IL1RL1: variants seen among roughly 807,000 people sequenced by gnomAD.
IL1RL1 encodes the protein interleukin 1 receptor like 1.
A neutral mutation model predicts 50.9 loss-of-function variants in IL1RL1; 32 were observed. That is an observed-to-expected ratio of 0.63 (90% CI 0.47 to 0.84). The LOEUF (loss-of-function observed/expected upper bound fraction) is 0.84. IL1RL1 is among the 40% of genes least tolerant of loss of function. IL1RL1 has a pLI of 0.00. For missense variants in IL1RL1, 773 were observed against 662.9 expected, an observed-to-expected ratio of 1.17 and a Z score of -1.82; for synonymous variants, 275 against 236.0, an observed-to-expected ratio of 1.17 and a Z score of -1.51.
intron 9 of IL1RL1, among the ~76,000 whole-genome samples, chr2:102,348,551 A>G (rs190831565): frequency 1.4e-4 from 22 of 152,174 alleles, no homozygotes; most frequent in African/African-American, 5.3e-4. Flanking sequence ...ATGTGCATGA[A>G]AGGAGTCAGT....
intron 1 of IL1RL1, among the ~76,000 whole-genome samples, chr2:102,315,613 T>C (rs773020979): frequency 1.3e-5 from 2 of 152,200 alleles, no homozygotes; most frequent in Non-Finnish European, 2.9e-5. Context: ...TTTGGGGTTG[T>C]AATGTGCAAA....
chr2:102,349,079 A>T lies in IL1RL1; in HGVS notation c.1118A>T (p.Asp373Val). ...DIAKPYKTRN[D>V]GKLYDAYVVY... Reference sequence around the variant, plus strand: ...TTGTACTTCTTGTTTTCATTTTCAGATGGAAAGCTCTATGATGCTTATGTT... The same window carrying T: ...TTGTACTTCTTGTTTTCATTTTCAGTTGGAAAGCTCTATGATGCTTATGTT... Residue 373 changes from aspartate to valine, a missense_variant and splice_region_variant, in exon 10 of 11, where the codon GAT becomes GTT. By Grantham distance (152) the Asp-to-Val change is radical (BLOSUM62 -3). Coordinates refer to ENST00000233954, the MANE Select transcript of IL1RL1 (RefSeq NM_016232.5). 6.2e-7 allele frequency: 1 copy of T among 1,612,228 alleles called. No individual in the cohort carries two copies. Among genetic ancestry groups the T allele is most frequent in the South Asian group, 1.1e-5 (1 of 90,976 alleles).
At chr2:102,321,152 A>T (rs1472633179) in intron 1 of IL1RL1, among the ~76,000 whole-genome samples, 1 of 152,112 alleles carries the variant, frequency 6.6e-6, no homozygotes. Context: ...TCTCCTTCCT[A>T]GTTGGCCTTC....
chr2:102,324,549 G>A (rs11679889), intron 1 of IL1RL1, among the ~76,000 whole-genome samples: 33,776 of 152,042 alleles, frequency 0.22, 4,476 homozygotes, highest in East Asian at 0.39. Flanking sequence ...AAAGCAGGGC[G>A]AGGCATCGCT....
In IL1RL1 at chr2:102,339,047, G is replaced by C. The variant is rs1573150862; in HGVS notation, c.272G>C (p.Ser91Thr). 6.2e-7 allele frequency: 1 copy of C among 1,606,612 alleles called. No individual in the cohort carries two copies. Among genetic ancestry groups the C allele is most frequent in the South Asian group, 1.1e-5 (1 of 90,986 alleles). ...DSGIYTCIVR[S>T]PTFNRTGYAN... ...GGTATTTATACCTGTATTGTCAGAA[G>C]GTATTATGCAGAAGGCTCCCATCTT... Residue 91 changes from serine to threonine, a missense_variant and splice_region_variant, in exon 3 of 11, where the codon AGT (serine) becomes ACT (threonine). Coordinates refer to ENST00000233954, the MANE Select transcript of IL1RL1 (RefSeq NM_016232.5).
intron 1 of IL1RL1, among the ~76,000 whole-genome samples, chr2:102,315,362 T>A (rs1256618552): frequency 6.6e-6 from 1 of 152,212 alleles, no homozygotes; most frequent in Non-Finnish European, 1.5e-5. Context: ...GAAAATATCA[T>A]GTACCTTTTG....
chr2:102,321,662 G>A (rs1022556558), intron 1 of IL1RL1, among the ~76,000 whole-genome samples: 1 of 152,096 alleles, frequency 6.6e-6, no homozygotes, highest in Non-Finnish European at 1.5e-5. Flanking sequence ...GCACAGTGGT[G>A]GTGGATGACC....
intron 1 of IL1RL1, among the ~76,000 whole-genome samples, chr2:102,331,896 C>A (rs1677188127): frequency 1.3e-5 from 2 of 151,800 alleles, no homozygotes; most frequent in Non-Finnish European, 2.9e-5. Context: ...GGTGAAACCC[C>A]ATCTCTACGA....
intron 1 of IL1RL1, among the ~76,000 whole-genome samples, chr2:102,331,283 G>C (rs948089988): frequency 4.6e-5 from 7 of 152,240 alleles, no homozygotes; most frequent in African/African-American, 1.7e-4. Context: ...AGATTCTGCT[G>C]CTGGGAGAAT....
rs915140722 is a variant in IL1RL1 at position 102,338,928 on chromosome 2, A to G, written c.153A>G (p.Ser51=). 4 of 1,613,744 alleles carry G rather than the reference A, an allele frequency of 2.5e-6. No homozygotes were observed. The highest frequency in any genetic ancestry group is 2.2e-5 in the East Asian group (1 of 44,890). ...KPSYTVDWYY[S]QTNKSIPTQE... ...GTTACACCGTGGATTGGTATTACTC[A>G]CAAACAAACAAAAGTATTCCCACTC... is the stretch of plus-strand genomic sequence containing the variant. Residue 51 remains serine (S), a synonymous_variant, in exon 3 of 11, where the codon TCA becomes TCG. Coordinates refer to ENST00000233954, the MANE Select transcript of IL1RL1 (RefSeq NM_016232.5).
chr2:102,325,722 C>T (rs185462064), intron 1 of IL1RL1, among the ~76,000 whole-genome samples: 193 of 152,214 alleles, frequency 1.3e-3, no homozygotes, highest in Middle Eastern at 3.4e-3. Context: ...CCTCAGTAGC[C>T]GATTTGATCA....
At chr2:102,328,429 C>G (rs1677076193) in intron 1 of IL1RL1, among the ~76,000 whole-genome samples, 1 of 152,076 alleles carries the variant, frequency 6.6e-6, no homozygotes, top group Non-Finnish European at 1.5e-5. Context: ...GGAAGCATTC[C>G]CTTTGAAAAC....
intron 1 of IL1RL1, among the ~76,000 whole-genome samples, chr2:102,320,755 G>A (rs1676813023): frequency 1.3e-5 from 2 of 152,030 alleles, no homozygotes; most frequent in South Asian, 4.1e-4. Context: ...AAATCTATCT[G>A]CATCCCAATC....
rs1431226008 is a variant in IL1RL1, at chr2:102,349,356, C to T, written c.1285+110C>T. The T allele has an allele frequency of 1.6e-5, 13 of 796,032 alleles. No individual in the cohort carries two copies. In the African/African-American group the frequency reaches 2.1e-4, roughly 13 times the overall value. The allele number at this position is 796,032 out of a possible 1,614,324, so 49.3% of individuals were successfully genotyped here. On this transcript the variant is annotated intron_variant, in intron 10 of 10. Transcript: ENST00000233954. ...ATGAATTGCATTTACTACCACAGGCCTTAAGACCAGAACTTTAAATATTTA... is the reference window on the plus strand; with the variant it reads ...ATGAATTGCATTTACTACCACAGGCTTTAAGACCAGAACTTTAAATATTTA...
chr2:102,347,170 T>G (rs1347821850), intron 8 of IL1RL1, among the ~76,000 whole-genome samples: 2 of 152,240 alleles, frequency 1.3e-5, no homozygotes, highest in African/African-American at 4.8e-5. Flanking sequence ...TCAGACCCGT[T>G]GATGCCTTCT....
chr2:102,333,439 G>A (rs1677227206), intron 1 of IL1RL1, among the ~76,000 whole-genome samples: 1 of 152,138 alleles, frequency 6.6e-6, no homozygotes, highest in Admixed American at 6.5e-5. Context: ...GCATGGAGTT[G>A]TCATCATTAC....
chr2:102,338,278 T>C lies in IL1RL1; in HGVS notation c.14T>C (p.Ile5Thr). 1.2e-6 allele frequency: 2 copies of C among 1,606,570 alleles called. No individual in the cohort carries two copies. Among genetic ancestry groups the C allele is most frequent in the African/African-American group, 1.3e-5 (1 of 74,902 alleles). Residue 5 changes from isoleucine to threonine, a missense_variant, in exon 2 of 11, where the codon ATC (isoleucine) becomes ACC (threonine). By Grantham distance (89) the Ile-to-Thr change is moderately conservative. Coordinates refer to ENST00000233954, the MANE Select transcript of IL1RL1 (RefSeq NM_016232.5). The part of the protein sequence containing the change: MGFW[I>T]LAILTILMYS... ...TTGATAAACAGAATGGGGTTTTGGATCTTAGCAATTCTCACAATTCTCATG... is the reference window on the plus strand; with the variant it reads ...TTGATAAACAGAATGGGGTTTTGGACCTTAGCAATTCTCACAATTCTCATG...
intron 1 of IL1RL1, among the ~76,000 whole-genome samples, chr2:102,331,156 TA>T: frequency 6.6e-6 from 1 of 152,344 alleles, no homozygotes; most frequent in African/African-American, 2.4e-5. Flanking sequence ...TATTAAGTCT[TA>T]AGGTCAGGTT....
chr2:102,319,418 A>G (rs1559594841), intron 1 of IL1RL1, among the ~76,000 whole-genome samples: 1 of 152,228 alleles, frequency 6.6e-6, no homozygotes, highest in Non-Finnish European at 1.5e-5. Context: ...GTGCAGTCAC[A>G]GAAGAGAAAC....
Sources: gnomAD v4.1 joint callset for allele counts (sites outside exome capture counted in the v4.1 genomes callset) on GRCh38, gnomAD v4.1.1 for gene constraint, MANE v1.5 for transcripts, NCBI Gene and HGNC (gene_info 2026-07-23, HGNC 2026-07-21) for gene names.